DPP6: variants seen among roughly 807,000 people sequenced by gnomAD.
DPP6 encodes A-type potassium channel modulatory protein DPP6.
Under a neutral mutation model 122.6 loss-of-function variants are expected in DPP6, and 69 were observed. The observed-to-expected ratio is 0.56, with a 90% CI of 0.46 to 0.69. The LOEUF is 0.69. DPP6 is among the 30% of genes least tolerant of loss of function. The probability of loss-of-function intolerance (pLI) is 0.00; values close to 1 mark genes in which losing one functional copy is unlikely to be tolerated. For missense variants in DPP6, 928 were observed against 1,116.9 expected, an observed-to-expected ratio of 0.83 and a Z score of 2.41; for synonymous variants, 418 against 433.1, an observed-to-expected ratio of 0.97 and a Z score of 0.43.
the DPP6 span, among the ~76,000 whole-genome samples, chr7:153,771,880 CAAAG>C: frequency 3.9e-5 from 6 of 151,998 alleles, no homozygotes; most frequent in East Asian, 1.2e-3. Context: ...CACAATGAAA[CAAAG>C]AATATTTAAA....
At chr7:154,544,092 T>G (rs1026801378) in intron 4 of DPP6, among the ~76,000 whole-genome samples, 6 of 147,362 alleles carry the variant, frequency 4.1e-5, no homozygotes, top group Non-Finnish European at 7.5e-5. Context: ...TTCTTTTGTT[T>G]TATATATATA....
intron 1 of DPP6, among the ~76,000 whole-genome samples, chr7:154,179,874 TA>T (rs569958146): frequency 6.6e-6 from 1 of 152,206 alleles, no homozygotes; most frequent in Non-Finnish European, 1.5e-5. Flanking sequence ...TCCATTTATT[TA>T]AAAAAAATCA....
the DPP6 span, among the ~76,000 whole-genome samples, chr7:153,827,801 T>C: frequency 2.0e-5 from 3 of 152,132 alleles, no homozygotes; most frequent in African/African-American, 7.2e-5. Flanking sequence ...TTCCCACTTC[T>C]ACCCACACAG....
chr7:153,842,087 T>C, the DPP6 span, among the ~76,000 whole-genome samples: 1 of 152,178 alleles, frequency 6.6e-6, no homozygotes. Flanking sequence ...CAGGAACTTA[T>C]TGCATAAACA....
chr7:154,111,532 C>A (rs71532632), intron 1 of DPP6, among the ~76,000 whole-genome samples: 17 of 150,244 alleles, frequency 1.1e-4, no homozygotes, highest in Middle Eastern at 3.4e-3. Flanking sequence ...TGATTTATGC[C>A]AATGGTTAAT....
intron 1 of DPP6, among the ~76,000 whole-genome samples, chr7:153,907,831 C>T (rs1300089486): frequency 2.0e-5 from 3 of 152,162 alleles, no homozygotes; most frequent in Admixed American, 1.3e-4. Context: ...ATAAATCTTT[C>T]TATATACGTA....
At chr7:154,828,028 C>A (rs1380501733) in intron 16 of DPP6, among the ~76,000 whole-genome samples, 1 of 152,158 alleles carries the variant, frequency 6.6e-6, no homozygotes, top group African/African-American at 2.4e-5. Flanking sequence ...GAGTCCCTGT[C>A]TTTCTAAACG....
Position 154,487,807 on chromosome 7 carries a change from C to A in DPP6, c.457+12770C>A, listed in dbSNP as rs138959977. On this transcript the variant is annotated intron_variant, in intron 3 of 25. Transcript: ENST00000377770. Reference sequence around the variant, plus strand: ...GGGTCTAATTAATTATCATTGACATCTTTTCAAACATCGATCACCTTCTTA... The same window carrying A: ...GGGTCTAATTAATTATCATTGACATATTTTCAAACATCGATCACCTTCTTA... Among the ~76,000 whole-genome samples, 528 of 152,284 alleles carry A rather than the reference C, an allele frequency of 3.5e-3. 3 individuals carry two copies. The highest frequency in any genetic ancestry group is 4.3e-3 in the Non-Finnish European group (292 of 68,032).
rs192594362 is a variant in DPP6, at chr7:154,194,346, G to T, written c.243+141283G>T. ...ATCAAGATGAATTGGTAATGAATCA[G>T]ATGCATATTTTTTTCTCTTTTTGAA... On this transcript the variant is annotated intron_variant, in intron 1 of 25. Coordinates refer to ENST00000377770, the MANE Select transcript of DPP6 (RefSeq NM_130797.4). Among the ~76,000 whole-genome samples, 361 of 152,326 alleles carry T rather than the reference G, an allele frequency of 2.4e-3. 1 individual carries two copies. Among genetic ancestry groups the T allele is most frequent in the African/African-American group, 8.4e-3 (349 of 41,586 alleles).
At chr7:154,565,595 G>A (rs540465224) in intron 4 of DPP6, among the ~76,000 whole-genome samples, 97 of 152,140 alleles carry the variant, frequency 6.4e-4, no homozygotes, top group African/African-American at 1.9e-3. Flanking sequence ...GCGCGATCTC[G>A]GTCCGCCACA....
intron 10 of DPP6, among the ~76,000 whole-genome samples, chr7:154,792,344 C>T (rs1797735470): frequency 6.6e-6 from 1 of 152,372 alleles, no homozygotes; most frequent in African/African-American, 2.4e-5. Flanking sequence ...CTTCAGCGTC[C>T]TCCAGTGTGG....
chr7:154,192,721 G>A (rs908422293), intron 1 of DPP6, among the ~76,000 whole-genome samples: 7 of 152,236 alleles, frequency 4.6e-5, no homozygotes, highest in African/African-American at 1.4e-4. Flanking sequence ...TCTAAGTGAA[G>A]AAAACAGTGT....
At chr7:154,716,062 A>C (rs1197624414) in intron 7 of DPP6, among the ~76,000 whole-genome samples, 1 of 152,012 alleles carries the variant, frequency 6.6e-6, no homozygotes, top group African/African-American at 2.4e-5. Context: ...TATTTTTCAA[A>C]TCCATCTTCT....
At chr7:153,872,998 A>C in the DPP6 span, among the ~76,000 whole-genome samples, 1 of 152,172 alleles carries the variant, frequency 6.6e-6, no homozygotes, top group Non-Finnish European at 1.5e-5. Context: ...TAAGGAAAAG[A>C]GTTTTATTGG....
intron 5 of DPP6, among the ~76,000 whole-genome samples, chr7:154,597,622 A>AG (rs1166474911): frequency 6.6e-6 from 1 of 151,828 alleles, no homozygotes; most frequent in Non-Finnish European, 1.5e-5. Flanking sequence ...AAAAAAAAAA[A>AG]TTGAGTAGTA....
chr7:154,672,926 A>G (rs1231077366), intron 7 of DPP6, among the ~76,000 whole-genome samples: 1 of 152,192 alleles, frequency 6.6e-6, no homozygotes, highest in African/African-American at 2.4e-5. Flanking sequence ...GTGTTCCAAT[A>G]AAGCTATACT....
intron 1 of DPP6, among the ~76,000 whole-genome samples, chr7:154,427,177 C>G (rs550568993): frequency 2.6e-5 from 4 of 152,122 alleles, no homozygotes; most frequent in African/African-American, 9.7e-5. Flanking sequence ...TGCATGGTGT[C>G]GAGAGAGGCA....
At chr7:154,571,049 T>C (rs1196326183) in intron 5 of DPP6, among the ~76,000 whole-genome samples, 1 of 152,222 alleles carries the variant, frequency 6.6e-6, no homozygotes, top group Non-Finnish European at 1.5e-5. Context: ...ATGTGCTAAA[T>C]GAGTTTTATT....
intron 1 of DPP6, among the ~76,000 whole-genome samples, chr7:154,191,151 C>T (rs1798597728): frequency 6.6e-6 from 1 of 152,194 alleles, no homozygotes; most frequent in South Asian, 2.1e-4. Context: ...GCTCTGACTG[C>T]TGATGCCATT....
Sources: allele counts gnomAD v4.1 joint callset (sites outside exome capture counted in the v4.1 genomes callset), GRCh38; gene constraint gnomAD v4.1.1; transcripts MANE v1.5; gene names NCBI Gene and HGNC (gene_info 2026-07-23, HGNC 2026-07-21).